ATRNL1: variants seen among roughly 807,000 people sequenced by gnomAD.
ATRNL1 encodes attractin like 1.
Under a neutral mutation model 182.7 loss-of-function variants are expected in ATRNL1, and 95 were observed. The ratio of observed to expected loss-of-function variants is 0.52; its 90% confidence interval spans 0.44 to 0.62. The LOEUF is 0.62. Among genes scored for constraint, ATRNL1 ranks in the 20% least tolerant of loss-of-function variants. The pLI is 0.00. For missense variants in ATRNL1, 1,471 were observed against 1,679.5 expected (o/e 0.88, Z 2.17); for synonymous variants, 576 against 568.3 (o/e 1.01, Z -0.19).
intron 26 of ATRNL1, among the ~76,000 whole-genome samples, chr10:115,622,380 G>C (rs1857823870): frequency 6.6e-6 from 1 of 152,206 alleles, no homozygotes; most frequent in South Asian, 2.1e-4. Context: ...TATGCATCCA[G>C]CTAGCTATCC....
intron 5 of ATRNL1, among the ~76,000 whole-genome samples, chr10:115,153,147 A>C (rs549366101): frequency 6.6e-6 from 1 of 152,086 alleles, no homozygotes; most frequent in South Asian, 2.1e-4. Context: ...TTTTGCATTG[A>C]TATTCATCAG....
intron 26 of ATRNL1, among the ~76,000 whole-genome samples, chr10:115,551,571 T>G (rs1482571413): frequency 2.0e-5 from 3 of 151,522 alleles, no homozygotes; most frequent in African/African-American, 7.2e-5. Context: ...TGTTTGCATT[T>G]AATTTGCTAC....
chr10:115,180,115 AT>A (rs1258220714), intron 8 of ATRNL1, among the ~76,000 whole-genome samples: 1 of 151,898 alleles, frequency 6.6e-6, no homozygotes, highest in East Asian at 1.9e-4. Flanking sequence ...GAGGATATTT[AT>A]TTTTTTAAAA....
chr10:115,307,082 A>G (rs1853772830), intron 17 of ATRNL1, among the ~76,000 whole-genome samples: 1 of 152,078 alleles, frequency 6.6e-6, no homozygotes, highest in Non-Finnish European at 1.5e-5. Flanking sequence ...TAGAGGCTTC[A>G]TTGTCTACTT....
chr10:115,227,785 A>T (rs1290893844), intron 9 of ATRNL1, among the ~76,000 whole-genome samples: 1 of 152,184 alleles, frequency 6.6e-6, no homozygotes, highest in Non-Finnish European at 1.5e-5. Flanking sequence ...ATGCAGTTGG[A>T]GGCCATAATC....
intron 28 of ATRNL1, among the ~76,000 whole-genome samples, chr10:115,866,136 T>C (rs75160574): frequency 0.016 from 2,420 of 152,330 alleles, 78 homozygotes; most frequent in African/African-American, 0.055. Flanking sequence ...TGTGCTGCCA[T>C]ATTTTTGTTA....
chr10:115,130,613 C>G (rs1845187768), intron 5 of ATRNL1, among the ~76,000 whole-genome samples: 1 of 152,054 alleles, frequency 6.6e-6, no homozygotes, highest in Non-Finnish European at 1.5e-5. Flanking sequence ...ATGTCAGATG[C>G]AAATTTCTAA....
intron 24 of ATRNL1, among the ~76,000 whole-genome samples, chr10:115,488,844 T>A (rs1284309968): frequency 6.6e-6 from 1 of 152,196 alleles, no homozygotes; most frequent in African/African-American, 2.4e-5. Flanking sequence ...TCTTTCCTGC[T>A]TTCTGTTGTG....
At chr10:115,700,481 C>G (rs1335462991) in intron 26 of ATRNL1, among the ~76,000 whole-genome samples, 1 of 151,944 alleles carries the variant, frequency 6.6e-6, no homozygotes. Flanking sequence ...GTATTTTAGC[C>G]ACTTATATGT....
intron 26 of ATRNL1, among the ~76,000 whole-genome samples, chr10:115,620,969 T>C (rs1241106522): frequency 2.0e-5 from 3 of 152,122 alleles, no homozygotes; most frequent in Non-Finnish European, 4.4e-5. Context: ...TTCCCCTTTT[T>C]TTTCATTTTC....
intron 7 of ATRNL1, among the ~76,000 whole-genome samples, chr10:115,165,966 G>A (rs1847020272): frequency 6.6e-6 from 1 of 152,024 alleles, no homozygotes; most frequent in African/African-American, 2.4e-5. Context: ...AGAGTTCAGT[G>A]GCATTAAGTA....
intron 8 of ATRNL1, among the ~76,000 whole-genome samples, chr10:115,186,744 T>C (rs114392319): frequency 0.012 from 1,790 of 152,170 alleles, 34 homozygotes; most frequent in African/African-American, 0.04. Flanking sequence ...AGAAAGTATA[T>C]ATACAATGAG....
chr10:115,690,936 C>T (rs1408512878), intron 26 of ATRNL1, among the ~76,000 whole-genome samples: 4 of 152,136 alleles, frequency 2.6e-5, no homozygotes, highest in African/African-American at 7.2e-5. Flanking sequence ...TGCTGAATTA[C>T]GCTTTACCTA....
intron 26 of ATRNL1, among the ~76,000 whole-genome samples, chr10:115,644,994 C>G (rs1859511759): frequency 6.6e-6 from 1 of 152,100 alleles, no homozygotes; most frequent in Non-Finnish European, 1.5e-5. Context: ...AGGCGTATAT[C>G]ACTTCTGACA....
chr10:115,315,030 T>G (rs781968884), intron 17 of ATRNL1, among the ~76,000 whole-genome samples: 5 of 152,134 alleles, frequency 3.3e-5, no homozygotes, highest in Non-Finnish European at 7.3e-5. Context: ...TGAGGAGCAT[T>G]GTCCATAATA....
At chr10:115,908,594 T>C (rs2134513441) in intron 28 of ATRNL1, among the ~76,000 whole-genome samples, 1 of 152,334 alleles carries the variant, frequency 6.6e-6, no homozygotes, top group South Asian at 2.1e-4. Flanking sequence ...GTAAAGTCCC[T>C]GTTGCCATGT....
At chr10:115,402,376 A>G (rs1427926489) in intron 20 of ATRNL1, among the ~76,000 whole-genome samples, 1 of 152,066 alleles carries the variant, frequency 6.6e-6, no homozygotes, top group African/African-American at 2.4e-5. Flanking sequence ...CTTTCATTCC[A>G]TTCAGTAAAT....
intron 21 of ATRNL1, among the ~76,000 whole-genome samples, chr10:115,442,270 GCTCTCT>G (rs71895625): frequency 1.9e-4 from 19 of 100,450 alleles, no homozygotes; most frequent in South Asian, 1.0e-3. Context: ...ATTTGTGTTT[GCTCTCT>G]CTCTCTCTCT....
intron 27 of ATRNL1, among the ~76,000 whole-genome samples, chr10:115,824,348 C>CA (rs1331659586): frequency 1.3e-5 from 2 of 152,070 alleles, no homozygotes; most frequent in Admixed American, 6.6e-5. Flanking sequence ...TAGGCAATAC[C>CA]ATTCAGGACA....
Sources: gnomAD v4.1 joint callset for allele counts (sites outside exome capture counted in the v4.1 genomes callset) on GRCh38, gnomAD v4.1.1 for gene constraint, MANE v1.5 for transcripts, NCBI Gene and HGNC (gene_info 2026-07-23, HGNC 2026-07-21) for gene names.